CCDC171: variants seen among roughly 807,000 people sequenced by gnomAD.
CCDC171 encodes the protein coiled-coil domain-containing protein 171.
CCDC171 carries 177 observed loss-of-function variants against 168.2 expected under a neutral mutation model. The observed-to-expected ratio is 1.05, with a 90% CI of 0.93 to 1.19. CCDC171 has a LOEUF of 1.19. Ranked by LOEUF, CCDC171 falls within the 50% of genes most tolerant of loss-of-function variation. CCDC171 has a pLI of 0.00. For synonymous variants in CCDC171, 687 were observed against 540.8 expected (o/e 1.27, Z -3.75); for missense variants, 1,991 against 1,539.0 (o/e 1.29, Z -4.91).
chr9:15,695,362 G>C (rs2051136094), intron 11 of CCDC171, 25 bp downstream of exon 11: 1 of 1,549,034 alleles, frequency 6.5e-7, no homozygotes, highest in Non-Finnish European at 8.9e-7. Context: ...TAAAATGACA[G>C]ATGCATCTGT....
chr9:15,833,587 T>C (rs771209243), intron 21 of CCDC171, among the ~76,000 whole-genome samples: 1 of 152,224 alleles, frequency 6.6e-6, no homozygotes, highest in Admixed American at 6.5e-5. Flanking sequence ...AATTTTATTA[T>C]CTTATGACTT....
At chr9:15,611,152 G>A (rs774974307) in intron 6 of CCDC171, among the ~76,000 whole-genome samples, 28 of 152,048 alleles carry the variant, frequency 1.8e-4, no homozygotes, top group Admixed American at 4.6e-4. Context: ...GCCATGTGAC[G>A]TGCCTGCTCC....
chr9:15,967,333 A>G (rs1488240647), intron 25 of CCDC171, among the ~76,000 whole-genome samples: 1 of 152,214 alleles, frequency 6.6e-6, no homozygotes, highest in Non-Finnish European at 1.5e-5. Context: ...AGGGCTTAAA[A>G]CATCATCATG....
intron 25 of CCDC171, among the ~76,000 whole-genome samples, chr9:15,963,873 C>T (rs960827327): frequency 6.6e-6 from 1 of 152,152 alleles, no homozygotes; most frequent in African/African-American, 2.4e-5. Context: ...TTCTCAGACC[C>T]TCTCTAAGCT....
At chr9:15,919,148 C>G (rs1824965108) in intron 24 of CCDC171, among the ~76,000 whole-genome samples, 1 of 151,688 alleles carries the variant, frequency 6.6e-6, no homozygotes, top group South Asian at 2.1e-4. Context: ...CTTTTTTGGG[C>G]TCACAAGAGG....
chr9:15,964,073 G>C (rs1223763274), intron 25 of CCDC171, among the ~76,000 whole-genome samples: 2 of 152,206 alleles, frequency 1.3e-5, no homozygotes, highest in Admixed American at 1.3e-4. Context: ...CATGTACTGA[G>C]CTGTGGAGCC....
At chr9:15,620,224 C>G (rs961432329) in intron 6 of CCDC171, among the ~76,000 whole-genome samples, 2 of 152,160 alleles carry the variant, frequency 1.3e-5, no homozygotes, top group African/African-American at 4.8e-5. Flanking sequence ...AAGGCTATAG[C>G]TGACATAGAT....
intron 24 of CCDC171, among the ~76,000 whole-genome samples, chr9:15,896,672 C>T (rs1436038948): frequency 6.6e-6 from 1 of 152,166 alleles, no homozygotes; most frequent in Non-Finnish European, 1.5e-5. Flanking sequence ...CTATCCTTAT[C>T]AATGTCACCA....
At chr9:15,824,321 A>G (rs988254893) in intron 21 of CCDC171, among the ~76,000 whole-genome samples, 5 of 151,960 alleles carry the variant, frequency 3.3e-5, no homozygotes, top group South Asian at 2.1e-4. Flanking sequence ...ACAAATAATT[A>G]TACATTTACA....
chr9:15,804,982 G>T (rs941622374), intron 21 of CCDC171, among the ~76,000 whole-genome samples: 2 of 151,942 alleles, frequency 1.3e-5, no homozygotes, highest in Non-Finnish European at 2.9e-5. Context: ...TTCAGTCTTG[G>T]GAGGGTATAT....
At chr9:15,957,947 A>G (rs1829966794) in intron 25 of CCDC171, among the ~76,000 whole-genome samples, 1 of 152,212 alleles carries the variant, frequency 6.6e-6, no homozygotes, top group Non-Finnish European at 1.5e-5. Flanking sequence ...TCCCTTCTGA[A>G]GCTTGAGACA....
intron 4 of CCDC171, among the ~76,000 whole-genome samples, chr9:15,585,870 G>T (rs910419078): frequency 6.6e-6 from 1 of 152,032 alleles, no homozygotes; most frequent in Non-Finnish European, 1.5e-5. Flanking sequence ...CAACTACTCA[G>T]GAGGCTGAGG....
At chr9:15,567,299 C>A (rs1014452744) in intron 2 of CCDC171, among the ~76,000 whole-genome samples, 2 of 152,142 alleles carry the variant, frequency 1.3e-5, no homozygotes, top group South Asian at 4.1e-4. Flanking sequence ...GGATTACAGG[C>A]GTACATGTCT....
At chr9:16,031,966 G>A (rs1833370923) in intron 6 of CCDC171, among the ~76,000 whole-genome samples, 1 of 152,220 alleles carries the variant, frequency 6.6e-6, no homozygotes, top group African/African-American at 2.4e-5. Flanking sequence ...CTTCAGCAGG[G>A]GAGCACGGCC....
chr9:15,880,956 C>T (rs190789757), intron 24 of CCDC171, among the ~76,000 whole-genome samples: 15 of 152,158 alleles, frequency 9.9e-5, no homozygotes, highest in South Asian at 2.1e-4. Context: ...TGAGAATAAA[C>T]GAATTTGATG....
intron 3 of CCDC171, among the ~76,000 whole-genome samples, chr9:15,990,477 A>C (rs2132906182): frequency 6.6e-6 from 1 of 152,350 alleles, no homozygotes; most frequent in East Asian, 1.9e-4. Context: ...AAACATGCCA[A>C]ATTGTAAAGA....
At chr9:15,663,778 T>C (rs2048505350) in intron 8 of CCDC171, among the ~76,000 whole-genome samples, 1 of 151,894 alleles carries the variant, frequency 6.6e-6, no homozygotes, top group African/African-American at 2.4e-5. Context: ...GCTAATTTTT[T>C]TGTACTTTTA....
intron 6 of CCDC171, among the ~76,000 whole-genome samples, chr9:16,026,000 A>G (rs1481308342): frequency 6.6e-6 from 1 of 152,228 alleles, no homozygotes; most frequent in Non-Finnish European, 1.5e-5. Context: ...GCAAAGTGGG[A>G]TGAGTTGGTC....
chr9:15,971,668 C>T lies in CCDC171; in HGVS notation c.3813C>T (p.Asp1271=), dbSNP rs1831368292. Residue 1271 remains aspartate, a synonymous_variant, in exon 26 of 26, where the codon GAC becomes GAT. Coordinates refer to ENST00000380701, the MANE Select transcript of CCDC171 (RefSeq NM_173550.4). ...CTTCAAGAGCTCCTCTTCCTGCTGACACAACTGGTATTGGGGATTTCTTAC... is the reference window on the plus strand; with the variant it reads ...CTTCAAGAGCTCCTCTTCCTGCTGATACAACTGGTATTGGGGATTTCTTAC... The part of the protein sequence containing the change: ...SIPSRAPLPA[D]TTGIGDFLPL... The T allele has an allele frequency of 6.2e-7, 1 of 1,613,744 alleles. No individual in the cohort carries two copies. The highest frequency in any genetic ancestry group is 8.5e-7 in the Non-Finnish European group (1 of 1,179,870).
Sources: allele counts gnomAD v4.1 joint callset (sites outside exome capture counted in the v4.1 genomes callset), GRCh38; gene constraint gnomAD v4.1.1; transcripts MANE v1.5; gene names NCBI Gene and HGNC (gene_info 2026-07-23, HGNC 2026-07-21).